PARP4: variants seen among roughly 807,000 people sequenced by gnomAD.
PARP4 encodes poly(ADP-ribose) polymerase family member 4.
PARP4 carries 120 observed loss-of-function variants against 187.7 expected under a neutral mutation model. The ratio of observed to expected loss-of-function variants is 0.64; its 90% confidence interval spans 0.55 to 0.74. PARP4 has a LOEUF of 0.74. Ranked by LOEUF, PARP4 falls within the 30% of genes least tolerant of loss-of-function variation. The pLI is 0.00. For missense variants in PARP4, 1,836 were observed against 2,070.5 expected, an observed-to-expected ratio of 0.89 and a Z score of 2.20; for synonymous variants, 654 against 740.9, an observed-to-expected ratio of 0.88 and a Z score of 1.90.
At chr13:24,471,881 C>T (rs1381285334) in intron 15 of PARP4, among the ~76,000 whole-genome samples, 1 of 152,208 alleles carries the variant, frequency 6.6e-6, no homozygotes, top group Non-Finnish European at 1.5e-5. Context: ...AGCCACTACA[C>T]TGATGGGCAG....
At chr13:24,464,596 T>C (rs748474702) in intron 17 of PARP4, among the ~76,000 whole-genome samples, 2 of 152,186 alleles carry the variant, frequency 1.3e-5, no homozygotes, top group African/African-American at 2.4e-5. Flanking sequence ...GCTAGCCATA[T>C]GCAGAAAATT....
In PARP4 at chr13:24,455,188, C is replaced by G. The variant is rs141578952; in HGVS notation, c.2587G>C (p.Asp863His). Residue 863 changes from aspartate (D) to histidine (H), a missense_variant, in exon 22 of 34, where the codon GAT becomes CAT. Asp to His is a moderately conservative substitution (Grantham distance 81, BLOSUM62 -1). Transcript: ENST00000381989. ...SEACMLVFQPDLDVDLPDLAS... is the reference protein window; with the variant it reads ...SEACMLVFQPHLDVDLPDLAS... ...AGGTCAGGGAGGTCGACATCGAGAT[C>G]GGGTTGAAAGACAAGCATGCAAGCC... The G allele has an allele frequency of 3.1e-6, 5 of 1,594,340 alleles. No homozygotes were observed. The highest frequency in any genetic ancestry group is 2.7e-5 in the African/African-American group (2 of 74,736).
chr13:24,480,462 G>A (rs1364856377), intron 12 of PARP4, among the ~76,000 whole-genome samples: 1 of 152,218 alleles, frequency 6.6e-6, no homozygotes, highest in Non-Finnish European at 1.5e-5. Context: ...GGTGAGGAAG[G>A]CATGTTGAAA....
chr13:24,480,132 C>T (rs375871747), intron 12 of PARP4, among the ~76,000 whole-genome samples: 1 of 152,292 alleles, frequency 6.6e-6, no homozygotes, highest in East Asian at 1.9e-4. Flanking sequence ...CGCGAGGGTC[C>T]GCGGCTTCAT....
intron 1 of PARP4, among the ~76,000 whole-genome samples, chr13:24,508,684 T>C (rs755557138): frequency 6.6e-6 from 1 of 152,134 alleles, no homozygotes; most frequent in Non-Finnish European, 1.5e-5. Context: ...TGGCTACTTT[T>C]TGTATTTTTA....
chr13:24,493,842 C>T (rs1336803597), intron 7 of PARP4, 109 bp from the exon 8 acceptor site: 1 of 1,029,698 alleles, frequency 9.7e-7, no homozygotes, highest in African/African-American at 1.6e-5. Flanking sequence ...TGATTAGAGC[C>T]CAGGAGAGTC....
rs1479578285 is a variant in PARP4 at position 24,435,120 on chromosome 13, A to T, written c.4021T>A (p.Phe1341Ile). 6.2e-7 allele frequency: 1 copy of T among 1,614,180 alleles called. No homozygotes were observed. Among genetic ancestry groups the T allele is most frequent in the East Asian group, 2.2e-5 (1 of 44,884 alleles). The change falls in exon 31 of 34, where the codon TTT becomes ATT. Residue 1341 changes from phenylalanine (F) to isoleucine (I), a missense_variant. By Grantham distance (21) the Phe-to-Ile change is conservative (BLOSUM62 0). Coordinates refer to ENST00000381989, the MANE Select transcript of PARP4 (RefSeq NM_006437.4). ...ARAHSPASLSFASYRQVASFG... is the reference protein window; with the variant it reads ...ARAHSPASLSIASYRQVASFG... ...CTAGCTACCTGACGATATGAGGCAA[A>T]AGACAAGGAAGCAGGACTGTGAGCG...
intron 21 of PARP4, 68 bp downstream of exon 21, chr13:24,456,273 G>T: frequency 7.6e-7 from 1 of 1,318,688 alleles, no homozygotes; most frequent in Non-Finnish European, 1.0e-6. Flanking sequence ...TAATTTGCAA[G>T]TTTAACCAGC....
chr13:24,427,209 A>C (rs1870103027), intron 32 of PARP4, among the ~76,000 whole-genome samples: 1 of 152,210 alleles, frequency 6.6e-6, no homozygotes, highest in South Asian at 2.1e-4. Flanking sequence ...TAAACAACAG[A>C]TATGACTAAT....
intron 24 of PARP4, chr13:24,452,026 A>G (rs1283257916): frequency 6.3e-6 from 1 of 159,438 alleles, no homozygotes; most frequent in Non-Finnish European, 1.4e-5. Flanking sequence ...GCCCTTCGGG[A>G]CAAGCGGAGA....
At chr13:24,469,803 G>A (rs369455522) in intron 16 of PARP4, 91 bp downstream of exon 16, 1 of 1,362,044 alleles carries the variant, frequency 7.3e-7, no homozygotes, top group Non-Finnish European at 1.0e-6. Flanking sequence ...ACTCAACCTT[G>A]TAGCCATGGG....
At chr13:24,478,463 T>G (rs183607481) in intron 12 of PARP4, among the ~76,000 whole-genome samples, 187 bp from the exon 13 acceptor site, 1 of 152,256 alleles carries the variant, frequency 6.6e-6, no homozygotes, top group African/African-American at 2.4e-5. Context: ...TTAGACAGAA[T>G]TTTGCTCTGT....
intron 21 of PARP4, among the ~76,000 whole-genome samples, 194 bp downstream of exon 21, chr13:24,456,147 A>G (rs1457976978): frequency 6.6e-6 from 1 of 152,186 alleles, no homozygotes; most frequent in Non-Finnish European, 1.5e-5. Flanking sequence ...CATCCACATA[A>G]GGGTTTTGGA....
rs749688049 is a variant in PARP4, at chr13:24,484,629, T to C, written c.1448+24A>G. 2.0e-6 allele frequency: 3 copies of C among 1,493,322 alleles called. No homozygotes were observed. In the East Asian group the frequency reaches 6.8e-5, roughly 34 times the overall value. 92.5% of individuals were successfully genotyped at this position (1,493,322 alleles called of 1,614,324 possible). Reference sequence around the variant, plus strand: ...TACACAGCAAGTATTCAGTAACGATTCTGTGATTAAGGATCGAACATACCT... The same window carrying C: ...TACACAGCAAGTATTCAGTAACGATCCTGTGATTAAGGATCGAACATACCT... On this transcript the variant is annotated intron_variant, in intron 12 of 33. Coordinates refer to ENST00000381989, the MANE Select transcript of PARP4 (RefSeq NM_006437.4).
intron 25 of PARP4, among the ~76,000 whole-genome samples, chr13:24,447,511 C>G (rs1350780858): frequency 6.6e-6 from 1 of 152,204 alleles, no homozygotes; most frequent in African/African-American, 2.4e-5. Flanking sequence ...CAGGCGTACA[C>G]CACCACACCC....
rs1238043336 is a variant in PARP4 at position 24,456,383 on chromosome 13, G to C, written c.2520C>G (p.Leu840=). Residue 840 remains leucine (L), a synonymous_variant, in exon 21 of 34, where the codon CTC becomes CTG. Coordinates refer to ENST00000381989, the MANE Select transcript of PARP4 (RefSeq NM_006437.4). ...SLHIGLSAAY[L]PRMWVEKHPE... The stretch of plus-strand genomic sequence containing the variant: ...GATGTTTTTCAACCCACATTCTTGG[G>C]AGATAGGCAGCAGACAAACCGATGT... 3 of 1,611,924 alleles carry C rather than the reference G, an allele frequency of 1.9e-6. No individual in the cohort carries two copies. Among genetic ancestry groups the C allele is most frequent in the Admixed American group, 1.7e-5 (1 of 59,976 alleles).
chr13:24,433,670 C>A (rs1174323131), intron 31 of PARP4, among the ~76,000 whole-genome samples: 1 of 152,124 alleles, frequency 6.6e-6, no homozygotes, highest in African/African-American at 2.4e-5. Flanking sequence ...AAATCTCAAA[C>A]CCACTCTGTG....
chr13:24,452,350 C>A (rs1490107894), intron 24 of PARP4, 56 bp downstream of exon 24: 6 of 1,426,778 alleles, frequency 4.2e-6, no homozygotes, highest in Non-Finnish European at 4.8e-6. Flanking sequence ...CCCTGCAGGG[C>A]AACAAGACGA....
intron 32 of PARP4, among the ~76,000 whole-genome samples, chr13:24,428,740 A>G (rs958521465): frequency 6.6e-5 from 10 of 152,170 alleles, no homozygotes; most frequent in Admixed American, 4.6e-4. Flanking sequence ...CCCAAAGTGC[A>G]GGCATTACTG....
Sources: gnomAD v4.1 joint callset for allele counts (sites outside exome capture counted in the v4.1 genomes callset) on GRCh38, gnomAD v4.1.1 for gene constraint, MANE v1.5 for transcripts, NCBI Gene and HGNC (gene_info 2026-07-23, HGNC 2026-07-21) for gene names.